PCSK5: variants seen among roughly 807,000 people sequenced by gnomAD.
PCSK5 encodes prohormone convertase 5.
PCSK5 carries 129 observed loss-of-function variants against 233.2 expected under a neutral mutation model. The ratio of observed to expected loss-of-function variants is 0.55; its 90% CI spans 0.48 to 0.64. The LOEUF is 0.64. PCSK5 is among the 30% of genes least tolerant of loss of function. The pLI is 0.00. For synonymous variants in PCSK5, 825 were observed against 879.2 expected (o/e 0.94, Z 1.09); for missense variants, 2,076 against 2,430.1 (o/e 0.85, Z 3.06).
chr9:76,316,740 CAAAAAAAAAAAAAA>C (rs58485029), intron 30 of PCSK5, among the ~76,000 whole-genome samples: 4 of 64,606 alleles, frequency 6.2e-5, no homozygotes, highest in East Asian at 7.6e-4. Flanking sequence ...CTTGTCTCAC[CAAAAAAAAAAAAAA>C]AAAAAAAAAA....
At chr9:75,987,214 C>T (rs1034112433) in intron 3 of PCSK5, among the ~76,000 whole-genome samples, 5 of 152,110 alleles carry the variant, frequency 3.3e-5, no homozygotes, top group Non-Finnish European at 7.4e-5. Flanking sequence ...CTGCCCTTCC[C>T]CACCTCCTTG....
chr9:76,279,374 C>T (rs7866905), intron 24 of PCSK5, among the ~76,000 whole-genome samples: 12,687 of 140,456 alleles, frequency 0.09, 739 homozygotes, highest in African/African-American at 0.18. Context: ...AATAAACATA[C>T]GTGTGCATGT....
upstream of PCSK5, among the ~76,000 whole-genome samples, chr9:75,889,842 A>G (rs1272299139): frequency 6.6e-6 from 1 of 152,198 alleles, no homozygotes; most frequent in East Asian, 1.9e-4. Flanking sequence ...ACGCCGCCAC[A>G]TATCTCATCT....
At chr9:76,156,682 A>G (rs1822600969) in intron 10 of PCSK5, among the ~76,000 whole-genome samples, 1 of 152,240 alleles carries the variant, frequency 6.6e-6, no homozygotes. Flanking sequence ...CTTGCTAGTC[A>G]ATCTTGGCCA....
chr9:76,062,329 C>T (rs1479373845), intron 5 of PCSK5, among the ~76,000 whole-genome samples: 1 of 152,032 alleles, frequency 6.6e-6, no homozygotes, highest in African/African-American at 2.4e-5. Context: ...AATTTGGAAA[C>T]ATCTGAGACA....
At chr9:75,956,035 A>G (rs1330993348) in intron 2 of PCSK5, among the ~76,000 whole-genome samples, 1 of 152,230 alleles carries the variant, frequency 6.6e-6, no homozygotes, top group African/African-American at 2.4e-5. Flanking sequence ...TAAAGCGTCC[A>G]GGCTGTACTC....
At chr9:75,994,582 C>G (rs1226008526) in intron 3 of PCSK5, among the ~76,000 whole-genome samples, 1 of 151,912 alleles carries the variant, frequency 6.6e-6, no homozygotes, top group Non-Finnish European at 1.5e-5. Flanking sequence ...GCCACCATGC[C>G]CAGCTACTTT....
intron 2 of PCSK5, among the ~76,000 whole-genome samples, chr9:75,983,292 AT>A (rs1000231257): frequency 1.3e-5 from 2 of 152,074 alleles, no homozygotes; most frequent in African/African-American, 4.8e-5. Flanking sequence ...ATATGGTCAC[AT>A]TTTTTTTCCT....
chr9:75,926,918 G>T (rs1485983428), intron 1 of PCSK5, among the ~76,000 whole-genome samples: 1 of 152,076 alleles, frequency 6.6e-6, no homozygotes, highest in African/African-American at 2.4e-5. Context: ...CTACTATTAA[G>T]AAAATTCTGT....
At chr9:76,031,008 G>A (rs1828632290) in intron 5 of PCSK5, among the ~76,000 whole-genome samples, 1 of 152,160 alleles carries the variant, frequency 6.6e-6, no homozygotes, top group Admixed American at 6.5e-5. Flanking sequence ...AATTTTCACA[G>A]GTGTAACACC....
At chr9:75,982,946 A>T (rs990633385) in intron 2 of PCSK5, among the ~76,000 whole-genome samples, 2 of 152,142 alleles carry the variant, frequency 1.3e-5, no homozygotes, top group Non-Finnish European at 2.9e-5. Flanking sequence ...GACCTAAGAC[A>T]TGAGAAATGG....
At chr9:76,330,022 G>C (rs1371799090) in intron 33 of PCSK5, among the ~76,000 whole-genome samples, 1 of 151,880 alleles carries the variant, frequency 6.6e-6, no homozygotes, top group Non-Finnish European at 1.5e-5. Flanking sequence ...TATTAATGTT[G>C]ATCACCTGGC....
In PCSK5 at chr9:76,086,536, G is replaced by A. The variant is rs184529244; in HGVS notation, c.895-9354G>A. The stretch of plus-strand genomic sequence containing the variant: ...GAATTGACCAGTATGAATTGACATC[G>A]AGGGACTATTAAAGCAGCTAATTAT... On this transcript the variant is annotated intron_variant, in intron 7 of 37. Transcript: ENST00000674117. Among the ~76,000 whole-genome samples the A allele has an allele frequency of 1.1e-4, 17 of 152,322 alleles. No homozygotes were observed. In the East Asian group the frequency reaches 2.3e-3, roughly 21 times the overall value.
chr9:76,206,474 G>A (rs1011900522), intron 20 of PCSK5, among the ~76,000 whole-genome samples: 2 of 152,188 alleles, frequency 1.3e-5, no homozygotes, highest in African/African-American at 4.8e-5. Flanking sequence ...CCCAGTCCCT[G>A]CTCTCCCCAG....
At chr9:76,238,048 G>A (rs1315968482) in intron 22 of PCSK5, among the ~76,000 whole-genome samples, 1 of 152,120 alleles carries the variant, frequency 6.6e-6, no homozygotes, top group Non-Finnish European at 1.5e-5. Flanking sequence ...CTAGACCCCG[G>A]TTATTCTGAG....
At chr9:76,173,994 G>T (rs1823459516) in intron 13 of PCSK5, among the ~76,000 whole-genome samples, 1 of 151,944 alleles carries the variant, frequency 6.6e-6, no homozygotes, top group Admixed American at 6.6e-5. Flanking sequence ...ATGCTGTTTT[G>T]CACATAGACC....
chr9:76,229,520 T>C (rs1826009522), intron 21 of PCSK5, among the ~76,000 whole-genome samples: 1 of 152,216 alleles, frequency 6.6e-6, no homozygotes, highest in African/African-American at 2.4e-5. Context: ...GTGAACTAAT[T>C]AAAAATATTT....
intron 11 of PCSK5, 71 bp from the exon 12 acceptor site, chr9:76,158,912 A>G: frequency 1.6e-6 from 2 of 1,261,344 alleles, no homozygotes; most frequent in East Asian, 2.3e-5. Context: ...TATTTATTCC[A>G]TGCCTCCAGG....
intron 24 of PCSK5, among the ~76,000 whole-genome samples, chr9:76,282,664 T>G (rs1351375343): frequency 6.6e-6 from 1 of 152,186 alleles, no homozygotes; most frequent in Admixed American, 6.5e-5. Flanking sequence ...TGGGTACATG[T>G]GCAGATTTAT....
Sources: allele counts gnomAD v4.1 joint callset (sites outside exome capture counted in the v4.1 genomes callset), GRCh38; gene constraint gnomAD v4.1.1; transcripts MANE v1.5; gene names NCBI Gene and HGNC (gene_info 2026-07-23, HGNC 2026-07-21).